The following EP300 variants were observed in gnomAD, a reference collection of about 807,000 sequenced individuals.
The protein encoded by EP300 is EP300 lysine acetyltransferase.
EP300 carries 31 observed loss-of-function variants against 264.0 expected under a neutral mutation model. That is an observed-to-expected ratio of 0.12 (90% CI 0.09 to 0.16). The LOEUF is 0.16. Among genes scored for constraint, EP300 ranks in the 10% least tolerant of loss-of-function variants. The pLI, the probability that EP300 is intolerant of heterozygous loss-of-function variation, is 1.00. For missense variants in EP300, 2,766 were observed against 3,052.9 expected, an observed-to-expected ratio of 0.91 and a Z score of 2.21; for synonymous variants, 1,340 against 1,045.4, an observed-to-expected ratio of 1.28 and a Z score of -5.44.
At chr22:41,169,211 C>T (rs1270567469) in intron 25 of EP300, 1 of 544,252 alleles carries the variant, frequency 1.8e-6, no homozygotes, top group Non-Finnish European at 3.3e-6. Flanking sequence ...TTTCTTTTCT[C>T]CAAAAATAGT....
intron 24 of EP300, 61 bp downstream of exon 24, chr22:41,168,660 T>G: frequency 6.2e-7 from 1 of 1,614,234 alleles, no homozygotes; most frequent in Non-Finnish European, 8.5e-7. Context: ...ACATGGTTAC[T>G]ATTGGTGATT....
At chr22:41,176,160 T>C (rs2145511552) in intron 29 of EP300, 87 bp from the exon 30 acceptor site, 1 of 1,490,222 alleles carries the variant, frequency 6.7e-7, no homozygotes, top group Non-Finnish European at 9.3e-7. Context: ...GCAGAGGTTG[T>C]AGTGAGCCAA....
At position 41,167,814 on chromosome 22, in the gene EP300, G is replaced by GGTTTTTTTTTTTTTTTTTTTTTT. The variant is rs71328778; in HGVS notation, c.3875-635_3875-634insGTTTTTTTTTTTTTTTTTTTTTT. Among the ~76,000 whole-genome samples, 8 of 66,206 alleles carry GGTTTTTTTTTTTTTTTTTTTTTT rather than the reference G, an allele frequency of 1.2e-4. 2 individuals are homozygous for GGTTTTTTTTTTTTTTTTTTTTTT. Among genetic ancestry groups the GGTTTTTTTTTTTTTTTTTTTTTT allele is most frequent in the South Asian group, 7.2e-4 (1 of 1,388 alleles). 43.4% of individuals were successfully genotyped at this position (66,206 alleles called of 152,430 possible). A position where few individuals can be genotyped will look rare whatever the true frequency, so the allele number is the denominator to read the frequency against. Reference sequence around the variant, plus strand: ...CATTGTTCTATTTCTGTTTGTTTTTGTTTTTTTTTTTGTTTTTTTTTTTTT... The same window carrying GGTTTTTTTTTTTTTTTTTTTTTT: ...CATTGTTCTATTTCTGTTTGTTTTTGGTTTTTTTTTTTTTTTTTTTTTTTTTTTTTTTTTGTTTTTTTTTTTTT... On this transcript the variant is annotated intron_variant, in intron 23 of 30. Transcript: ENST00000263253.
rs2145752607 is a variant in EP300 at position 41,160,722 on chromosome 22, C to T, written c.3671C>T (p.Thr1224Ile). The change falls in exon 20 of 31, where the codon ACT (threonine) becomes ATT (isoleucine). Residue 1224 changes from threonine to isoleucine, a missense_variant and splice_region_variant. By Grantham distance (89) the Thr-to-Ile change is moderately conservative (BLOSUM62 -1). Transcript: ENST00000263253. ...SLGDDPSQPQ[T>I]TINKEQFSKR... is the part of the protein sequence containing the mutation. ...GGGGATGACCCTTCCCAGCCTCAAA[C>T]GTAAGTAACTGCATTATTTTGAAAA... The T allele has an allele frequency of 1.9e-6, 3 of 1,613,498 alleles. No homozygotes were observed. The highest frequency in any genetic ancestry group is 2.5e-6 in the Non-Finnish European group (3 of 1,179,468).
intron 3 of EP300, 49 bp from the exon 4 acceptor site, chr22:41,127,438 A>G (rs766239924): frequency 6.2e-7 from 1 of 1,609,254 alleles, no homozygotes; most frequent in Non-Finnish European, 8.5e-7. Flanking sequence ...TTTATTAAGA[A>G]ATAGCACATT....
intron 6 of EP300, among the ~76,000 whole-genome samples, chr22:41,132,259 G>C (rs139335914): frequency 0.016 from 2,329 of 147,472 alleles, 63 homozygotes; most frequent in African/African-American, 0.056. Flanking sequence ...CATTTTAAAT[G>C]GTTGTATAGT....
Position 41,131,612 on chromosome 22 carries a change from A to G in EP300, c.1507A>G (p.Met503Val). 2 of 1,614,184 alleles carry G rather than the reference A, an allele frequency of 1.2e-6. No homozygotes were observed. The highest frequency in any genetic ancestry group is 1.7e-6 in the Non-Finnish European group (2 of 1,180,038). The change falls in exon 6 of 31, where the codon ATG becomes GTG. Residue 503 changes from methionine (M) to valine (V), a missense_variant. Physicochemically the swap from Met to Val is conservative, Grantham distance 21. Coordinates refer to ENST00000263253, the MANE Select transcript of EP300 (RefSeq NM_001429.4). ...GCAGCCTGGGCAGTCTCCCCAAGGC[A>G]TGCGGCCCATGAGCAACATGAGTAA... ...NQQPGQSPQGMRPMSNMSASP... is the reference protein window; with the variant it reads ...NQQPGQSPQGVRPMSNMSASP...
rs2145740997 is a variant in EP300, at chr22:41,152,305, T to G, written c.3097T>G (p.Ser1033Ala). 1 of 1,614,098 alleles carries G rather than the reference T, an allele frequency of 6.2e-7. No individual in the cohort carries two copies. Among genetic ancestry groups the G allele is most frequent in the East Asian group, 2.2e-5 (1 of 44,876 alleles). The change falls in exon 16 of 31, where the codon TCA (serine) becomes GCA (alanine). Residue 1033 changes from serine (S) to alanine (A), a missense_variant. Ser to Ala is a moderately conservative substitution (Grantham distance 99, BLOSUM62 1). Transcript: ENST00000263253. Reference sequence around the variant, plus strand: ...AGAGGAGGAAGACCAGCCAAGTACTTCAGCTACCCAGTCATCTCCGGCTCC... The same window carrying G: ...AGAGGAGGAAGACCAGCCAAGTACTGCAGCTACCCAGTCATCTCCGGCTCC... ...IKEEEDQPST[S>A]ATQSSPAPGQ...
At position 41,092,793 on chromosome 22, in the gene EP300, C is replaced by G; in HGVS notation, c.-212C>G. 1 of 639,594 alleles carries G rather than the reference C, an allele frequency of 1.6e-6. No homozygotes were observed. Among genetic ancestry groups the G allele is most frequent in the Non-Finnish European group, 2.8e-6 (1 of 353,610 alleles). 39.6% of individuals were successfully genotyped at this position (639,594 alleles called of 1,614,324 possible). ...CCTCCGGGCTTGGGCCCAGGCCCGG[C>G]CCCTCGCACTTGCCCTTACCTTTTC... On this transcript the variant is annotated 5_prime_UTR_variant, in exon 1 of 31. Transcript: ENST00000263253.
At chr22:41,103,046 C>T (rs1477401613) in intron 1 of EP300, among the ~76,000 whole-genome samples, 1 of 152,102 alleles carries the variant, frequency 6.6e-6, no homozygotes, top group Non-Finnish European at 1.5e-5. Context: ...GATGGGGTTT[C>T]ACCATGTTGA....
intron 7 of EP300, among the ~76,000 whole-genome samples, chr22:41,136,641 A>G (rs1256692722): frequency 6.6e-6 from 1 of 152,182 alleles, no homozygotes; most frequent in African/African-American, 2.4e-5. Context: ...AGTCTGGGTG[A>G]CAGCGAGACT....
intron 4 of EP300, among the ~76,000 whole-genome samples, 192 bp from the exon 5 acceptor site, chr22:41,129,698 A>G (rs1423529054): frequency 2.0e-5 from 3 of 152,134 alleles, no homozygotes; most frequent in African/African-American, 7.2e-5. Flanking sequence ...ACTTTGTGCA[A>G]ATTGCTTACC....
At chr22:41,153,552 C>G (rs921077765) in intron 16 of EP300, among the ~76,000 whole-genome samples, 1 of 152,162 alleles carries the variant, frequency 6.6e-6, no homozygotes, top group South Asian at 2.1e-4. Flanking sequence ...GAGTTCAAGA[C>G]CAGCCTGGCC....
chr22:41,141,261 G>C (rs756076564), intron 10 of EP300, 39 bp downstream of exon 10: 4 of 1,586,314 alleles, frequency 2.5e-6, no homozygotes, highest in Non-Finnish European at 2.6e-6. Flanking sequence ...GAGAGAAATT[G>C]ATAATAAAAT....
In EP300 at chr22:41,169,246, AG is replaced by A. The variant is rs1470431588; in HGVS notation, c.4173-254del. Reference sequence around the variant, plus strand: ...TATAAAGGCAATAATAAAAACGTATAGGGATCACCAAATACTGATTGATGTG... The same window carrying A: ...TATAAAGGCAATAATAAAAACGTATAGGATCACCAAATACTGATTGATGTG... On this transcript the variant is annotated intron_variant, in intron 25 of 30. Transcript: ENST00000263253. 5.3e-6 allele frequency: 3 copies of A among 567,600 alleles called. No individual in the cohort carries two copies. The African/African-American group carries it at 5.6e-5, about 11-fold the overall frequency. 35.2% of individuals were successfully genotyped at this position (567,600 alleles called of 1,614,324 possible).
At chr22:41,162,383 G>C (rs2059112952) in intron 20 of EP300, among the ~76,000 whole-genome samples, 1 of 152,130 alleles carries the variant, frequency 6.6e-6, no homozygotes, top group Non-Finnish European at 1.5e-5. Context: ...GTGAGGCTAT[G>C]AGCAGTGTGT....
chr22:41,129,272 A>T (rs146675116), intron 4 of EP300, among the ~76,000 whole-genome samples: 3,510 of 152,196 alleles, frequency 0.023, 422 homozygotes, highest in Admixed American at 0.19. Flanking sequence ...CGGCCTCCCA[A>T]AGTGCTGGAA....
rs977251718 is a variant in EP300, at chr22:41,177,550, A to G, written c.5839A>G (p.Ile1947Val). ...ETQRQMAHVQIFQRPIQHQMP... is the reference protein window; with the variant it reads ...ETQRQMAHVQVFQRPIQHQMP... ...GCAGCGCCAGATGGCCCACGTGCAA[A>G]TTTTTCAAAGGCCAATCCAACACCA... The change falls in exon 31 of 31, where the codon ATT (isoleucine) becomes GTT (valine). Residue 1947 changes from isoleucine (I) to valine (V), a missense_variant. Physicochemically the swap from Ile to Val is conservative, Grantham distance 29. Transcript: ENST00000263253. 3 of 1,613,920 alleles carry G rather than the reference A, an allele frequency of 1.9e-6. No homozygotes were observed. The African/African-American group carries it at 4.0e-5, about 22-fold the overall frequency.
chr22:41,104,114 C>T (rs2031786999), intron 1 of EP300, among the ~76,000 whole-genome samples: 1 of 152,088 alleles, frequency 6.6e-6, no homozygotes, highest in Non-Finnish European at 1.5e-5. Flanking sequence ...GTATGTTTCT[C>T]CATCTAGGAT....
Sources: allele counts gnomAD v4.1 joint callset (sites outside exome capture counted in the v4.1 genomes callset), GRCh38; gene constraint gnomAD v4.1.1; transcripts MANE v1.5; gene names NCBI Gene and HGNC (gene_info 2026-07-23, HGNC 2026-07-21).